STRBP: variants seen among roughly 807,000 people sequenced by gnomAD.
STRBP encodes spermatid perinuclear RNA-binding protein.
STRBP carries 13 observed loss-of-function variants against 80.1 expected under a neutral mutation model. The ratio of observed to expected loss-of-function variants is 0.16; its 90% CI spans 0.11 to 0.26. The LOEUF (loss-of-function observed/expected upper bound fraction) is 0.26, where lower values mean the gene tolerates loss of function less well. STRBP is among the 10% of genes least tolerant of loss of function. The pLI is 1.00. For synonymous variants in STRBP, 284 were observed against 291.2 expected, an observed-to-expected ratio of 0.98 and a Z score of 0.25; for missense variants, 485 against 815.2, an observed-to-expected ratio of 0.59 and a Z score of 4.93.
At chr9:123,141,650 A>C (rs2036594507) in intron 13 of STRBP, among the ~76,000 whole-genome samples, 1 of 152,182 alleles carries the variant, frequency 6.6e-6, no homozygotes, top group Non-Finnish European at 1.5e-5. Flanking sequence ...TAGACAATAA[A>C]AATAGGCTAA....
intron 4 of STRBP, among the ~76,000 whole-genome samples, chr9:123,178,668 C>T (rs1026747413): frequency 4.6e-5 from 7 of 152,020 alleles, no homozygotes; most frequent in African/African-American, 1.7e-4. Flanking sequence ...CCCCAGAGAT[C>T]AAAAACACTA....
At chr9:123,211,768 T>G (rs1434512541) in intron 2 of STRBP, among the ~76,000 whole-genome samples, 1 of 152,200 alleles carries the variant, frequency 6.6e-6, no homozygotes, top group African/African-American at 2.4e-5. Flanking sequence ...ATTGCTAATA[T>G]AGTGTCCTCC....
intron 11 of STRBP, among the ~76,000 whole-genome samples, chr9:123,153,637 A>G (rs1237298599): frequency 6.6e-6 from 1 of 152,184 alleles, no homozygotes; most frequent in Admixed American, 6.5e-5. Flanking sequence ...GAAAGAGAAG[A>G]GCAAAGGGAG....
chr9:123,258,626 AC>A (rs1419583191), intron 1 of STRBP, among the ~76,000 whole-genome samples: 1 of 152,000 alleles, frequency 6.6e-6, no homozygotes, highest in African/African-American at 2.4e-5. Flanking sequence ...ACACAGTGAA[AC>A]CCTGTCTCTA....
At chr9:123,197,988 A>C (rs995012541) in intron 2 of STRBP, among the ~76,000 whole-genome samples, 2 of 151,602 alleles carry the variant, frequency 1.3e-5, no homozygotes, top group African/African-American at 4.8e-5. Flanking sequence ...CTTTTTAATA[A>C]TGACCATTCT....
chr9:123,116,127 T>TG (rs1471004595), intron 2 of STRBP: 1 of 455,830 alleles, frequency 2.2e-6, no homozygotes, highest in East Asian at 6.9e-5. Context: ...TTTAGAAAGC[T>TG]GAGACTTCCG....
chr9:123,119,600 A>C (rs932978193), downstream of STRBP, among the ~76,000 whole-genome samples: 1 of 151,950 alleles, frequency 6.6e-6, no homozygotes, highest in African/African-American at 2.4e-5. Context: ...GCTGACGCCT[A>C]TCAGCACCAA....
At position 123,122,289 on chromosome 9, in the gene STRBP, T is replaced by G; in HGVS notation, c.*3308A>C. Reference sequence around the variant, plus strand: ...AGGTCCGAGGAGAACGAGAATAAAGTGAGATAAACGTGCTGAAAACTGCTT... The same window carrying G: ...AGGTCCGAGGAGAACGAGAATAAAGGGAGATAAACGTGCTGAAAACTGCTT... On this transcript the variant is annotated 3_prime_UTR_variant, in exon 19 of 19. Coordinates refer to ENST00000348403, the MANE Select transcript of STRBP (RefSeq NM_018387.5). 2 of 1,275,386 alleles carry G rather than the reference T, an allele frequency of 1.6e-6. No homozygotes were observed. Among genetic ancestry groups the G allele is most frequent in the Non-Finnish European group, 2.0e-6 (2 of 976,534 alleles). 79.0% of individuals were successfully genotyped at this position (1,275,386 alleles called of 1,614,324 possible). A position where few individuals can be genotyped will look rare whatever the true frequency, so the allele number is the denominator to read the frequency against.
At chr9:123,253,861 A>G (rs2040966911) in intron 1 of STRBP, among the ~76,000 whole-genome samples, 1 of 152,216 alleles carries the variant, frequency 6.6e-6, no homozygotes, top group Non-Finnish European at 1.5e-5. Flanking sequence ...TTGTCACAGC[A>G]AAGATTTTTA....
chr9:123,256,564 T>G (rs1263923544), intron 1 of STRBP, among the ~76,000 whole-genome samples: 1 of 152,100 alleles, frequency 6.6e-6, no homozygotes, highest in Non-Finnish European at 1.5e-5. Context: ...TATTAAACAC[T>G]GAAATAAATG....
chr9:123,238,772 G>A (rs996198949), intron 1 of STRBP, among the ~76,000 whole-genome samples: 1 of 152,058 alleles, frequency 6.6e-6, no homozygotes, highest in Admixed American at 6.6e-5. Context: ...ATGAAACAGA[G>A]CTTTATTATT....
chr9:123,115,273 C>A lies in STRBP; in HGVS notation c.*84+656G>T, dbSNP rs1190021143. On this transcript the variant is annotated intron_variant and NMD_transcript_variant, in intron 3 of 3. Coordinates refer to the STRBP transcript ENST00000471564. This position sits in a 1 kb window ranked among gnomAD's most constrained non-coding sequence, Gnocchi z 5.0. ...GATCCCGTCTGGCTCAGTGGGAAGC[C>A]TATCGCTCTTGGTAAATTACTCAGT... 2.1e-6 allele frequency: 1 copy of A among 471,082 alleles called. No homozygotes were observed. Among genetic ancestry groups the A allele is most frequent in the East Asian group, 6.9e-5 (1 of 14,410 alleles). 29.2% of individuals were successfully genotyped at this position (471,082 alleles called of 1,614,324 possible). A position where few individuals can be genotyped will look rare whatever the true frequency, so the allele number is the denominator to read the frequency against.
intron 3 of STRBP, among the ~76,000 whole-genome samples, chr9:123,180,458 A>G (rs898053172): frequency 6.6e-6 from 1 of 152,248 alleles, no homozygotes; most frequent in Non-Finnish European, 1.5e-5. Flanking sequence ...TACATACTGC[A>G]AAATGACAAG....
rs756129395 is a variant in STRBP, at chr9:123,136,426, G to A, written c.1587C>T (p.Leu529=). Reference sequence around the variant, plus strand: ...CATGGCTTCCACCAGTCTCTGAGATGAGTTCATACTTGAGACCTCTTCTTT... The same window carrying A: ...CATGGCTTCCACCAGTCTCTGAGATAAGTTCATACTTGAGACCTCTTCTTT... ...NEKRRGLKYE[L]ISETGGSHDK... is the part of the protein sequence containing the mutation. The change falls in exon 15 of 19, where the codon CTC becomes CTT. Residue 529 remains leucine (L), a synonymous_variant. Coordinates refer to ENST00000348403, the MANE Select transcript of STRBP (RefSeq NM_018387.5). The surrounding 1 kb of genome is among the most constrained non-coding windows in gnomAD (Gnocchi z 4.2). The A allele has an allele frequency of 1.9e-6, 3 of 1,613,978 alleles. No individual in the cohort carries two copies. The highest frequency in any genetic ancestry group is 1.7e-6 in the Non-Finnish European group (2 of 1,180,018).
chr9:123,165,930 A>G (rs957609817), intron 6 of STRBP, among the ~76,000 whole-genome samples: 2 of 152,322 alleles, frequency 1.3e-5, no homozygotes, highest in East Asian at 3.9e-4. Context: ...ATTAATCTTC[A>G]ATATATATTA....
At chr9:123,203,683 C>T (rs116128935) in intron 2 of STRBP, among the ~76,000 whole-genome samples, 2,172 of 152,012 alleles carry the variant, frequency 0.014, 52 homozygotes, top group African/African-American at 0.049. Context: ...TGTAAAATAG[C>T]GACCTCGGCC....
intron 13 of STRBP, among the ~76,000 whole-genome samples, chr9:123,145,571 C>T (rs2036777088): frequency 6.6e-6 from 1 of 152,056 alleles, no homozygotes; most frequent in Admixed American, 6.6e-5. Context: ...GAAATGCCCA[C>T]CCGATCAAAT....
Position 123,192,968 on chromosome 9 carries a change from A to G in STRBP, c.-164-8670T>C, listed in dbSNP as rs187558684. 3.4e-3 allele frequency among the ~76,000 whole-genome samples: 511 copies of G among 152,262 alleles called. 2 individuals are homozygous for G. Among genetic ancestry groups the G allele is most frequent in the Non-Finnish European group, 4.4e-3 (297 of 68,022 alleles). On this transcript the variant is annotated intron_variant, in intron 2 of 18. Transcript: ENST00000348403. ...CAGTCAACACGGGAATAATGACTCT[A>G]TGCCAGAACACCTTGCAATGTGCTA...
chr9:123,219,463 G>A (rs1020622338), intron 2 of STRBP, among the ~76,000 whole-genome samples: 1 of 152,124 alleles, frequency 6.6e-6, no homozygotes, highest in Non-Finnish European at 1.5e-5. Context: ...CACCATTTTA[G>A]CTATTAATCA....
Sources: gnomAD v4.1 joint callset for allele counts (sites outside exome capture counted in the v4.1 genomes callset) on GRCh38, gnomAD v4.1.1 for gene constraint, Gnocchi (gnomAD v3.1) non-coding constraint, MANE v1.5 for transcripts, NCBI Gene and HGNC (gene_info 2026-07-23, HGNC 2026-07-21) for gene names.